ANO9: variants seen among roughly 807,000 people sequenced by gnomAD.
The protein encoded by ANO9 is anoctamin-9.
ANO9 carries 80 observed loss-of-function variants against 100.5 expected under a neutral mutation model. That is an observed-to-expected ratio of 0.80 (90% confidence interval 0.66 to 0.96). The LOEUF is 0.96. ANO9 is among the 40% of genes least tolerant of loss of function. ANO9 has a pLI of 0.00. For missense variants in ANO9, 1,064 were observed against 1,072.7 expected (o/e 0.99, Z 0.11); for synonymous variants, 473 against 435.6 (o/e 1.09, Z -1.07).
chr11:431,402 C>CG (rs1848969046), intron 7 of ANO9, among the ~76,000 whole-genome samples: 1 of 93,810 alleles, frequency 1.1e-5, no homozygotes, highest in Non-Finnish European at 2.0e-5. Flanking sequence ...GGGGCGTCTG[C>CG]GGGGATGTGG....
chr11:422,789 T>C lies in ANO9; in HGVS notation c.1335-1591A>G, dbSNP rs1219103149. 2.6e-5 allele frequency among the ~76,000 whole-genome samples: 4 copies of C among 152,116 alleles called. No homozygotes were observed. The highest frequency in any genetic ancestry group is 2.9e-5 in the Non-Finnish European group (2 of 68,028). On this transcript the variant is annotated intron_variant, in intron 15 of 22. Coordinates refer to ENST00000332826, the MANE Select transcript of ANO9 (RefSeq NM_001012302.3). This position sits in a 1 kb window ranked among gnomAD's most constrained non-coding sequence, Gnocchi z 4.3. ...GTTATGGTGATTTTCTTGGAAATAA[T>C]GTATCATTTTACTTATACAATCTTA...
intron 1 of ANO9, among the ~76,000 whole-genome samples, chr11:438,728 A>T: frequency 6.6e-6 from 1 of 151,894 alleles, no homozygotes; most frequent in Non-Finnish European, 1.5e-5. Flanking sequence ...TGGCTTCTCC[A>T]CACCACCCTC....
In ANO9 at chr11:431,926, G is replaced by GA; in HGVS notation, c.407-21dup. 1.2e-6 allele frequency: 2 copies of GA among 1,611,164 alleles called. No individual in the cohort carries two copies. The highest frequency in any genetic ancestry group is 1.7e-6 in the Non-Finnish European group (2 of 1,178,454). ...AGGTCTCTGGGTCACAGGGGTTCAC[G>GA]AGTCAGGGGGAGTGAGGTGCTGGGA... is the stretch of plus-strand genomic sequence containing the variant. On this transcript the variant is annotated intron_variant, in intron 5 of 22. Transcript: ENST00000332826.
chr11:421,360 A>G lies in ANO9; in HGVS notation c.1335-162T>C. ...TCACACCCAGATGAACCGCACCCGC[A>G]CGTGGGCACGCACACACACACACAC... On this transcript the variant is annotated intron_variant, in intron 15 of 22. Coordinates refer to ENST00000332826, the MANE Select transcript of ANO9 (RefSeq NM_001012302.3). This position sits in a 1 kb window ranked among gnomAD's most constrained non-coding sequence, Gnocchi z 6.8. The G allele has an allele frequency of 1.6e-6, 1 of 632,180 alleles. No homozygotes were observed. The highest frequency in any genetic ancestry group is 2.4e-5 in the South Asian group (1 of 42,052). 39.2% of individuals were successfully genotyped at this position (632,180 alleles called of 1,614,324 possible). A position where few individuals can be genotyped will look rare whatever the true frequency, so the allele number is the denominator to read the frequency against.
At chr11:427,937 T>C (rs1848618420) in intron 15 of ANO9, 151 bp downstream of exon 15, 1 of 270,452 alleles carries the variant, frequency 3.7e-6, no homozygotes, top group Admixed American at 4.7e-5. Flanking sequence ...CTGGGCTCAC[T>C]GCAGGCTTTG....
At chr11:439,379 C>T (rs895458852) in intron 1 of ANO9, among the ~76,000 whole-genome samples, 2 of 118,282 alleles carry the variant, frequency 1.7e-5, no homozygotes, top group African/African-American at 7.2e-5. Flanking sequence ...GGGGGTCCTG[C>T]CCATCCATCC....
intron 19 of ANO9, 28 bp downstream of exon 19, chr11:420,435 C>T (rs755740139): frequency 1.9e-6 from 3 of 1,595,900 alleles, no homozygotes; most frequent in Middle Eastern, 1.7e-4. Flanking sequence ...GCCCAGTTCC[C>T]GCCCATCCTG....
Position 433,337 on chromosome 11 carries a change from C to T in ANO9, c.327G>A (p.Pro109=), listed in dbSNP as rs141202527. 1.8e-3 allele frequency: 2,953 copies of T among 1,612,552 alleles called. 10 individuals are homozygous for T. The highest frequency in any genetic ancestry group is 2.2e-3 in the Non-Finnish European group (2,649 of 1,179,696). ...ACCTCGTGGTGACCGGGATGGTGGT[C>T]GGCGCGGCCAGCTCGGCGTGGGGGG... ...GPAPHAELAA[P]TTIPVTTSLR... Residue 109 remains proline, a synonymous_variant, in exon 4 of 23, where the codon CCG becomes CCA. Transcript: ENST00000332826.
At chr11:430,819 C>T (rs192978328) in intron 7 of ANO9, among the ~76,000 whole-genome samples, 18 of 42,346 alleles carry the variant, frequency 4.3e-4, no homozygotes, top group South Asian at 1.1e-3. Context: ...TGGGGGCGTC[C>T]GCGGGTATCT....
intron 3 of ANO9, 89 bp downstream of exon 3, chr11:433,726 T>C (rs1849225066): frequency 6.8e-7 from 1 of 1,481,114 alleles, no homozygotes; most frequent in South Asian, 1.3e-5. Context: ...TGCCCCTCGC[T>C]GGGCACCCGC....
At chr11:425,645 T>C (rs761291995) in intron 15 of ANO9, among the ~76,000 whole-genome samples, 4 of 150,710 alleles carry the variant, frequency 2.7e-5, no homozygotes, top group African/African-American at 7.3e-5. Context: ...AGTCAATTCA[T>C]AGGAAAAAAA....
In ANO9 at chr11:433,294, C is replaced by T; in HGVS notation, c.350+20G>A. 1 of 1,609,330 alleles carries T rather than the reference C, an allele frequency of 6.2e-7. No individual in the cohort carries two copies. Among genetic ancestry groups the T allele is most frequent in the Non-Finnish European group, 8.5e-7 (1 of 1,178,174 alleles). The stretch of plus-strand genomic sequence containing the variant: ...TGGCAAGGGGTTCTCCTGGCCACGG[C>T]TCTGGGTGCAGCCTCTCACCTCGTG... On this transcript the variant is annotated intron_variant, in intron 4 of 22. Transcript: ENST00000332826.
At chr11:430,027 T>G in intron 9 of ANO9, 56 bp downstream of exon 9, 2 of 1,519,678 alleles carry the variant, frequency 1.3e-6, no homozygotes, top group African/African-American at 1.4e-5. Flanking sequence ...CCGCTTCGGG[T>G]GGATGCACCG....
At chr11:440,855 T>G (rs1845815075) in intron 1 of ANO9, among the ~76,000 whole-genome samples, 1 of 152,224 alleles carries the variant, frequency 6.6e-6, no homozygotes. Flanking sequence ...TGCCTCAGCT[T>G]CCGGAGTAGC....
At chr11:420,338 T>A in intron 19 of ANO9, 125 bp downstream of exon 19, 2 of 1,488,544 alleles carry the variant, frequency 1.3e-6, no homozygotes, top group Non-Finnish European at 8.9e-7. Context: ...GGAGAAGGGC[T>A]GGGGGCTGTC....
chr11:430,370 G>C lies in ANO9; in HGVS notation c.573C>G (p.Phe191Leu). 6.2e-7 allele frequency: 1 copy of C among 1,604,278 alleles called. No individual in the cohort carries two copies. The highest frequency in any genetic ancestry group is 8.5e-7 in the Non-Finnish European group (1 of 1,177,108). ...TGTAGGTGTACCAGCCCAGCCAGAC[G>C]AAGTACAGGGCCACCTTTTCCCCAA... ...NYFGEKVALY[F>L]VWLGWYTYML... Residue 191 changes from phenylalanine (F) to leucine (L), a missense_variant, in exon 8 of 23, where the codon TTC becomes TTG. Phe to Leu is a conservative substitution (Grantham distance 22). Coordinates refer to ENST00000332826, the MANE Select transcript of ANO9 (RefSeq NM_001012302.3).
intron 19 of ANO9, 149 bp downstream of exon 19, chr11:420,314 C>G (rs1848095193): frequency 6.9e-7 from 1 of 1,456,500 alleles, no homozygotes; most frequent in Non-Finnish European, 9.0e-7. Context: ...GCTCAACCCG[C>G]ATCCGAGGCC....
intron 1 of ANO9, 21 bp downstream of exon 1, chr11:441,900 C>A: frequency 1.2e-6 from 2 of 1,606,478 alleles, no homozygotes; most frequent in Non-Finnish European, 8.5e-7. Flanking sequence ...AGGTGTGGAC[C>A]CTTTTGAGCG....
intron 15 of ANO9, among the ~76,000 whole-genome samples, chr11:427,433 C>T (rs1250629636): frequency 6.6e-6 from 1 of 152,168 alleles, no homozygotes; most frequent in Non-Finnish European, 1.5e-5. Context: ...TCCATCAATC[C>T]ATATGCACCT....
Sources: allele counts gnomAD v4.1 joint callset (sites outside exome capture counted in the v4.1 genomes callset), GRCh38; gene constraint gnomAD v4.1.1; non-coding constraint Gnocchi (gnomAD v3.1); transcripts MANE v1.5; gene names NCBI Gene and HGNC (gene_info 2026-07-23, HGNC 2026-07-21).